EYA4: variants seen among roughly 807,000 people sequenced by gnomAD.
EYA4 encodes the protein EYA transcriptional coactivator and phosphatase 4, also known as protein phosphatase EYA4.
In EYA4, 31 loss-of-function variants were observed where a neutral mutation model predicts 87.9. That is an observed-to-expected ratio of 0.35 (90% confidence interval 0.27 to 0.48). EYA4 has a LOEUF of 0.48. EYA4 is among the 20% of genes least tolerant of loss of function. The pLI is 0.99. For missense variants in EYA4, 678 were observed against 761.4 expected, an observed-to-expected ratio of 0.89 and a Z score of 1.29; for synonymous variants, 263 against 270.6, an observed-to-expected ratio of 0.97 and a Z score of 0.28.
At chr6:133,495,381 T>TATTCATTTATTTATAAATAAATATAAAG (rs1562486898) in intron 13 of EYA4, among the ~76,000 whole-genome samples, 2 of 148,166 alleles carry the variant, frequency 1.3e-5, no homozygotes, top group Non-Finnish European at 3.0e-5. Context: ...TAAATATAAA[T>TATTCATTTATTTATAAATAAATATAAAG]ATATTCATTT....
chr6:133,338,849 C>T (rs201912524), intron 2 of EYA4, among the ~76,000 whole-genome samples: 1 of 148,962 alleles, frequency 6.7e-6, no homozygotes, highest in Non-Finnish European at 1.5e-5. Flanking sequence ...CCAATTGCTT[C>T]TTTTTTTTTT....
intron 4 of EYA4, among the ~76,000 whole-genome samples, chr6:133,447,169 C>A (rs138506610): frequency 7.3e-4 from 111 of 152,054 alleles, no homozygotes; most frequent in African/African-American, 2.4e-3. Flanking sequence ...AATGTTTCTT[C>A]TTAAAAGTGC....
chr6:133,327,146 T>C (rs1349331654), intron 2 of EYA4, among the ~76,000 whole-genome samples: 2 of 152,192 alleles, frequency 1.3e-5, no homozygotes, highest in Admixed American at 6.5e-5. Flanking sequence ...TATTTTATTT[T>C]TATTTTTTTG....
At chr6:133,451,789 A>G (rs1313934653) in intron 5 of EYA4, among the ~76,000 whole-genome samples, 1 of 152,208 alleles carries the variant, frequency 6.6e-6, no homozygotes, top group East Asian at 1.9e-4. Flanking sequence ...GTTTGGGGGA[A>G]TAGAAATCAG....
intron 2 of EYA4, among the ~76,000 whole-genome samples, chr6:133,350,212 C>T (rs1562317537): frequency 6.6e-6 from 1 of 152,164 alleles, no homozygotes; most frequent in East Asian, 1.9e-4. Flanking sequence ...ATGTGCCATG[C>T]AGTGTTCTAG....
intron 1 of EYA4, among the ~76,000 whole-genome samples, chr6:133,258,130 G>C (rs1297915407): frequency 6.6e-6 from 1 of 152,174 alleles, no homozygotes; most frequent in Non-Finnish European, 1.5e-5. Context: ...AGCTAATTCA[G>C]GAGTGAATCT....
intron 2 of EYA4, among the ~76,000 whole-genome samples, chr6:133,298,880 T>A (rs1779147477): frequency 6.6e-6 from 1 of 152,220 alleles, no homozygotes; most frequent in Admixed American, 6.5e-5. Context: ...CGAATGCCTT[T>A]TAGGGGCAGC....
At chr6:133,312,416 A>G (rs1780299850) in intron 2 of EYA4, among the ~76,000 whole-genome samples, 1 of 152,050 alleles carries the variant, frequency 6.6e-6, no homozygotes, top group Non-Finnish European at 1.5e-5. Flanking sequence ...ACACAGAGAT[A>G]AAGCAAGAGA....
chr6:133,447,172 A>T (rs1055233560), intron 4 of EYA4, among the ~76,000 whole-genome samples: 4 of 152,120 alleles, frequency 2.6e-5, no homozygotes, highest in African/African-American at 9.7e-5. Flanking sequence ...GTTTCTTCTT[A>T]AAAGTGCTTT....
chr6:133,286,704 A>C (rs1012225631), intron 2 of EYA4, among the ~76,000 whole-genome samples: 1 of 152,244 alleles, frequency 6.6e-6, no homozygotes, highest in Non-Finnish European at 1.5e-5. Context: ...GTATTCACTT[A>C]TTTGAGATTT....
chr6:133,265,721 A>G (rs1776162410), intron 1 of EYA4, among the ~76,000 whole-genome samples: 1 of 152,204 alleles, frequency 6.6e-6, no homozygotes, highest in Non-Finnish European at 1.5e-5. Context: ...AATTAATCTA[A>G]ATTTCAAGGA....
At chr6:133,323,937 C>G (rs377141954) in intron 2 of EYA4, among the ~76,000 whole-genome samples, 155 of 152,188 alleles carry the variant, frequency 1.0e-3, no homozygotes, top group African/African-American at 3.4e-3. Context: ...TCTGGGTGGT[C>G]ACTCTTATTT....
intron 3 of EYA4, among the ~76,000 whole-genome samples, chr6:133,443,503 A>G (rs943212785): frequency 6.6e-6 from 1 of 151,812 alleles, no homozygotes; most frequent in African/African-American, 2.4e-5. Context: ...AATTTTCTCT[A>G]TTGTTCACAG....
At chr6:133,436,048 G>A (rs564610732) in intron 3 of EYA4, among the ~76,000 whole-genome samples, 79 of 152,070 alleles carry the variant, frequency 5.2e-4, no homozygotes, top group African/African-American at 1.6e-3. Flanking sequence ...GTGAAACCCC[G>A]TCTCCACTAA....
intron 2 of EYA4, among the ~76,000 whole-genome samples, chr6:133,322,245 A>G (rs1389153253): frequency 6.6e-6 from 1 of 152,210 alleles, no homozygotes; most frequent in Non-Finnish European, 1.5e-5. Flanking sequence ...AGACATTATT[A>G]GTAGTGATAT....
At chr6:133,499,573 TC>T (rs2128745973) in intron 13 of EYA4, among the ~76,000 whole-genome samples, 1 of 152,328 alleles carries the variant, frequency 6.6e-6, no homozygotes, top group African/African-American at 2.4e-5. Flanking sequence ...TAACTACTGT[TC>T]AACTGCAAAT....
intron 13 of EYA4, among the ~76,000 whole-genome samples, chr6:133,496,768 T>C (rs771049817): frequency 1.5e-3 from 226 of 152,322 alleles, no homozygotes; most frequent in Non-Finnish European, 2.9e-3. Context: ...AAAACTATCA[T>C]CTACCTCCTA....
At chr6:133,378,366 T>TTA (rs1410181549) in intron 2 of EYA4, among the ~76,000 whole-genome samples, 3 of 152,094 alleles carry the variant, frequency 2.0e-5, no homozygotes, top group South Asian at 2.1e-4. Flanking sequence ...TTAAATGAGA[T>TTA]TATATATATA....
chr6:133,372,957 A>C (rs1785391029), intron 2 of EYA4, among the ~76,000 whole-genome samples: 1 of 152,062 alleles, frequency 6.6e-6, no homozygotes, highest in African/African-American at 2.4e-5. Flanking sequence ...GTTTAGGCAT[A>C]TATATGTACT....
Sources: gnomAD v4.1 joint callset for allele counts (sites outside exome capture counted in the v4.1 genomes callset) on GRCh38, gnomAD v4.1.1 for gene constraint, MANE v1.5 for transcripts, NCBI Gene and HGNC (gene_info 2026-07-23, HGNC 2026-07-21) for gene names.